Variants in ATM observed in about 807,000 individuals in gnomAD.
ATM encodes ATM serine/threonine kinase.
ATM carries 308 observed loss-of-function variants against 387.0 expected under a neutral mutation model. That is an observed-to-expected ratio of 0.80 (90% CI 0.73 to 0.87). The LOEUF (loss-of-function observed/expected upper bound fraction) is 0.87. Ranked by LOEUF, ATM falls within the 40% of genes least tolerant of loss-of-function variation. ATM has a pLI of 0.00. For synonymous variants in ATM, 1,156 were observed against 1,187.3 expected (o/e 0.97, Z 0.54); for missense variants, 3,312 against 3,560.9 (o/e 0.93, Z 1.78).
Position 108,284,322 on chromosome 11 carries a change from GTCT to G in ATM, c.3846_3848del (p.Leu1283del). 6.2e-7 allele frequency: 1 copy of G among 1,614,006 alleles called. No homozygotes were observed. The highest frequency in any genetic ancestry group is 8.5e-7 in the Non-Finnish European group (1 of 1,179,950). ...AATCAGATTCAAGAGGACTGGAAAA[GTCT>G]TCTAACAGACTGCTTTCCAAAGATT... On this transcript the variant is annotated inframe_deletion, in exon 26 of 63. Coordinates refer to ENST00000675843, the MANE Select transcript of ATM (RefSeq NM_000051.4).
chr11:108,349,629 CT>C (rs1473522885), intron 59 of ATM, among the ~76,000 whole-genome samples: 1 of 152,046 alleles, frequency 6.6e-6, no homozygotes, highest in Admixed American at 6.6e-5. Context: ...TGCCACTGCA[CT>C]TCAGCCTGGG....
intron 61 of ATM, among the ~76,000 whole-genome samples, chr11:108,361,553 C>A (rs964806716): frequency 6.6e-6 from 1 of 152,006 alleles, no homozygotes; most frequent in East Asian, 1.9e-4. Context: ...AACTATACTA[C>A]AAGGCTACAG....
intron 61 of ATM, among the ~76,000 whole-genome samples, chr11:108,361,162 CAG>C (rs1172993451): frequency 7.7e-6 from 1 of 129,708 alleles, no homozygotes; most frequent in Non-Finnish European, 1.6e-5. Flanking sequence ...AACAGACAAA[CAG>C]AGAGCCAAAT....
intron 5 of ATM, among the ~76,000 whole-genome samples, chr11:108,237,898 G>GGTTTTTTTTTTTTTTTTTTT (rs2079361031): frequency 9.5e-6 from 1 of 105,352 alleles, no homozygotes; most frequent in Non-Finnish European, 1.8e-5. Context: ...CATTTACTTA[G>GGTTTTTTTTTTTTTTTTTTT]GTTTTTTTTT....
chr11:108,255,507 C>T (rs2080419553), intron 13 of ATM, among the ~76,000 whole-genome samples: 1 of 148,168 alleles, frequency 6.7e-6, no homozygotes, highest in African/African-American at 2.5e-5. Flanking sequence ...CTCATTGCAA[C>T]CTTCGCCTCC....
chr11:108,263,748 A>C (rs1370047828), intron 16 of ATM, among the ~76,000 whole-genome samples: 6 of 146,058 alleles, frequency 4.1e-5, no homozygotes, highest in African/African-American at 1.5e-4. Flanking sequence ...ACTAATAAAG[A>C]AAAAAAGAGA....
chr11:108,328,056 A>C (rs1216223877), intron 48 of ATM, among the ~76,000 whole-genome samples: 1 of 152,114 alleles, frequency 6.6e-6, no homozygotes, highest in Non-Finnish European at 1.5e-5. Context: ...CATCTACAAA[A>C]ATAACTGATT....
intron 34 of ATM, 78 bp from the exon 35 acceptor site, chr11:108,301,570 A>G: frequency 6.3e-7 from 1 of 1,579,656 alleles, no homozygotes; most frequent in Admixed American, 1.7e-5. Flanking sequence ...TTAGTTTTGA[A>G]ATTTTTTCAG....
At chr11:108,259,185 AT>A in intron 16 of ATM, 110 bp downstream of exon 16, 2 of 967,062 alleles carry the variant, frequency 2.1e-6, no homozygotes, top group Non-Finnish European at 3.2e-6. Context: ...AGCTCTTAAC[AT>A]TTTTACAAAT....
chr11:108,332,322 C>T (rs1369946395), intron 52 of ATM, among the ~76,000 whole-genome samples: 1 of 152,022 alleles, frequency 6.6e-6, no homozygotes, highest in Non-Finnish European at 1.5e-5. Context: ...GTCCCAGCTA[C>T]TCGGGAGGCT....
intron 4 of ATM, among the ~76,000 whole-genome samples, chr11:108,233,470 T>A (rs1323810156): frequency 6.7e-6 from 1 of 148,920 alleles, no homozygotes; most frequent in Non-Finnish European, 1.5e-5. Context: ...TTAGGAGGCT[T>A]AGGGAGGAAG....
intron 16 of ATM, among the ~76,000 whole-genome samples, chr11:108,266,118 G>A (rs1343609390): frequency 6.6e-6 from 1 of 150,874 alleles, no homozygotes; most frequent in African/African-American, 2.4e-5. Context: ...ATTTGACCCA[G>A]CCATCCCATT....
At chr11:108,359,826 T>G (rs1277367516) in intron 61 of ATM, among the ~76,000 whole-genome samples, 3 of 151,990 alleles carry the variant, frequency 2.0e-5, no homozygotes, top group African/African-American at 7.3e-5. Flanking sequence ...TAGCACTAAA[T>G]GCCCACAAGA....
At chr11:108,224,263 A>G (rs919845693) in intron 1 of ATM, 2 of 152,238 alleles carry the variant, frequency 1.3e-5, no homozygotes, top group Non-Finnish European at 2.9e-5. Context: ...CAATCTGACT[A>G]CAGAGGCCAC....
chr11:108,235,212 C>T (rs541819997), intron 4 of ATM, among the ~76,000 whole-genome samples: 1 of 151,266 alleles, frequency 6.6e-6, no homozygotes, highest in Admixed American at 6.6e-5. Flanking sequence ...GGGAGAATTA[C>T]TTGAACCCAG....
chr11:108,272,403 C>T, intron 20 of ATM, 129 bp from the exon 21 acceptor site: 1 of 794,784 alleles, frequency 1.3e-6, no homozygotes, highest in Non-Finnish European at 2.1e-6. Context: ...TTGGCATATT[C>T]CACATAATGA....
rs147476994 is a variant in ATM, at chr11:108,243,637, A to G, written c.497-316A>G. 5.1e-3 allele frequency among the ~76,000 whole-genome samples: 773 copies of G among 152,254 alleles called. 12 individuals carry two copies. Among genetic ancestry groups the G allele is most frequent in the African/African-American group, 0.018 (736 of 41,560 alleles). ...CAAAAAACAGAAGAAAGAAAAACCC[A>G]TGGAGCATGTACTGTAAGTGCTTTC... is the stretch of plus-strand genomic sequence containing the variant. On this transcript the variant is annotated intron_variant, in intron 5 of 62. Transcript: ENST00000675843.
At chr11:108,363,568 A>G (rs1027529731) in intron 61 of ATM, among the ~76,000 whole-genome samples, 1 of 152,150 alleles carries the variant, frequency 6.6e-6, no homozygotes, top group Non-Finnish European at 1.5e-5. Flanking sequence ...TAGTATTGGC[A>G]TCTACTGGGT....
rs778014061 is a variant in ATM, at chr11:108,365,034, G to A, written c.8851-48G>A. ...CTGGTTCTACTGTTTCTAAGTATGT[G>A]ATTAAAATGTACATTGTTCTTTTAA... On this transcript the variant is annotated intron_variant, in intron 61 of 62. Coordinates refer to ENST00000675843, the MANE Select transcript of ATM (RefSeq NM_000051.4). The A allele has an allele frequency of 1.6e-5, 25 of 1,596,772 alleles. No individual in the cohort carries two copies. The highest frequency in any genetic ancestry group is 2.0e-5 in the Non-Finnish European group (23 of 1,166,066).
Sources: gnomAD v4.1 joint callset for allele counts (sites outside exome capture counted in the v4.1 genomes callset) on GRCh38, gnomAD v4.1.1 for gene constraint, MANE v1.5 for transcripts, NCBI Gene and HGNC (gene_info 2026-07-23, HGNC 2026-07-21) for gene names.